The following CAB39L variants were observed in gnomAD, a reference collection of about 807,000 sequenced individuals.
CAB39L encodes the protein calcium binding protein 39 like.
Under a neutral mutation model 39.1 loss-of-function variants are expected in CAB39L, and 23 were observed. That is an observed-to-expected ratio of 0.59 (90% CI 0.42 to 0.83). The LOEUF is 0.83. Ranked by LOEUF, CAB39L falls within the 40% of genes least tolerant of loss-of-function variation. The pLI is 0.00. For synonymous variants in CAB39L, 126 were observed against 137.2 expected, an observed-to-expected ratio of 0.92 and a Z score of 0.57; for missense variants, 366 against 391.9, an observed-to-expected ratio of 0.93 and a Z score of 0.56.
intron 9 of CAB39L, among the ~76,000 whole-genome samples, chr13:49,333,658 A>C (rs1289973412): frequency 7.6e-6 from 1 of 131,452 alleles, no homozygotes. Context: ...TGCAAGCTCC[A>C]CCTCCCAGGT....
At chr13:49,311,038 C>G in intron 10 of CAB39L, 45 bp from the exon 11 acceptor site, 1 of 1,570,156 alleles carries the variant, frequency 6.4e-7, no homozygotes, top group Non-Finnish European at 8.7e-7. Flanking sequence ...AGCCAGGGAC[C>G]TCACCCACGC....
chr13:49,417,581 G>A (rs1163697132), intron 3 of CAB39L, among the ~76,000 whole-genome samples: 2 of 118,264 alleles, frequency 1.7e-5, no homozygotes, highest in Non-Finnish European at 3.7e-5. Flanking sequence ...TTGGACTCAG[G>A]CACCTGGCAG....
At chr13:49,355,675 CAT>C (rs1037411102) in intron 6 of CAB39L, among the ~76,000 whole-genome samples, 7 of 151,878 alleles carry the variant, frequency 4.6e-5, no homozygotes, top group African/African-American at 1.7e-4. Context: ...ATTAAAAAAA[CAT>C]GTGTAGAACT....
chr13:49,402,328 G>A (rs76385598), intron 3 of CAB39L, among the ~76,000 whole-genome samples: 2,089 of 152,258 alleles, frequency 0.014, 52 homozygotes, highest in African/African-American at 0.048. Flanking sequence ...GTAGAAAGCT[G>A]AGTGGGCTCG....
intron 7 of CAB39L, among the ~76,000 whole-genome samples, chr13:49,346,889 T>C (rs2407610): frequency 0.53 from 80,504 of 151,930 alleles, 22,129 homozygotes; most frequent in Middle Eastern, 0.67. Flanking sequence ...TATGGTTGTA[T>C]GGAATCCTTT....
intron 10 of CAB39L, among the ~76,000 whole-genome samples, chr13:49,320,313 A>T (rs1479894907): frequency 6.6e-6 from 1 of 152,188 alleles, no homozygotes; most frequent in African/African-American, 2.4e-5. Flanking sequence ...CAAACAAATG[A>T]AACTACCCAG....
Position 49,339,753 on chromosome 13 carries a change from G to A in CAB39L, c.625-11C>T. On this transcript the variant is annotated splice_polypyrimidine_tract_variant and intron_variant, in intron 8 of 10. Transcript: ENST00000409308. ...ATAGTCTTCAAAAATCTAATGAAAA[G>A]AAAATACACATTAGAGTGTAAAAGC... 6.4e-7 allele frequency: 1 copy of A among 1,567,932 alleles called. No homozygotes were observed. Among genetic ancestry groups the A allele is most frequent in the Admixed American group, 1.9e-5 (1 of 53,312 alleles).
intron 10 of CAB39L, among the ~76,000 whole-genome samples, chr13:49,315,994 A>G (rs1159024041): frequency 6.6e-6 from 1 of 152,096 alleles, no homozygotes; most frequent in Admixed American, 6.5e-5. Flanking sequence ...AAGCAACATA[A>G]GGAAGGAAAG....
intron 5 of CAB39L, among the ~76,000 whole-genome samples, chr13:49,360,041 C>T (rs1955590762): frequency 6.6e-6 from 1 of 152,162 alleles, no homozygotes; most frequent in South Asian, 2.1e-4. Context: ...CTCCTTGCCA[C>T]AGGATGTGTG....
chr13:49,330,662 G>A (rs995359634), intron 10 of CAB39L, among the ~76,000 whole-genome samples: 3 of 149,868 alleles, frequency 2.0e-5, no homozygotes, highest in Non-Finnish European at 3.0e-5. Flanking sequence ...TTTTTATTTA[G>A]AAAAATATTT....
intron 10 of CAB39L, among the ~76,000 whole-genome samples, chr13:49,313,219 T>C (rs187287684): frequency 1.2e-3 from 180 of 152,220 alleles, no homozygotes; most frequent in South Asian, 3.7e-3. Context: ...CGGTGGCTCA[T>C]GCCTGTAATC....
chr13:49,426,932 A>G (rs2138722957), intron 3 of CAB39L, among the ~76,000 whole-genome samples: 1 of 152,304 alleles, frequency 6.6e-6, no homozygotes, highest in African/African-American at 2.4e-5. Context: ...TCTCCCTTTC[A>G]CTTAGAAGAA....
At chr13:49,400,960 G>GT (rs941281902) in intron 3 of CAB39L, among the ~76,000 whole-genome samples, 4 of 151,918 alleles carry the variant, frequency 2.6e-5, no homozygotes, top group Admixed American at 1.3e-4. Context: ...TTGTTTTGTA[G>GT]TTTTTTTAAA....
Position 49,363,814 on chromosome 13 carries a change from C to A in CAB39L, c.277-3982G>T, listed in dbSNP as rs541986690. Among the ~76,000 whole-genome samples, 3 of 148,002 alleles carry A rather than the reference C, an allele frequency of 2.0e-5. No homozygotes were observed. In the East Asian group the frequency reaches 5.9e-4, roughly 29 times the overall value. ...CTCCAGCCTGGATGACAGAGTGAGACCCTGTCTCAAAAAAAAAAAAAAGAA... is the reference window on the plus strand; with the variant it reads ...CTCCAGCCTGGATGACAGAGTGAGAACCTGTCTCAAAAAAAAAAAAAAGAA... On this transcript the variant is annotated intron_variant, in intron 5 of 10. Coordinates refer to ENST00000409308, the MANE Select transcript of CAB39L (RefSeq NM_001079670.3).
At chr13:49,359,437 T>C (rs559763986) in intron 6 of CAB39L, among the ~76,000 whole-genome samples, 58 of 152,184 alleles carry the variant, frequency 3.8e-4, no homozygotes, top group African/African-American at 1.3e-3. Flanking sequence ...TAGGGAAGCA[T>C]AAGCAATACT....
chr13:49,355,573 T>A (rs1471788917), intron 6 of CAB39L, among the ~76,000 whole-genome samples: 2 of 152,056 alleles, frequency 1.3e-5, no homozygotes, highest in Non-Finnish European at 2.9e-5. Flanking sequence ...GTGGCATATC[T>A]CGTTACACCA....
rs1405900205 is a variant in CAB39L, at chr13:49,433,406, A to G, written c.-107-13T>C. On this transcript the variant is annotated splice_polypyrimidine_tract_variant and intron_variant, in intron 2 of 10. Coordinates refer to ENST00000409308, the MANE Select transcript of CAB39L (RefSeq NM_001079670.3). ...ATCACCACAGCTTCTGACAAAAAGA[A>G]AAGCTTTAAAATTAATTTTTAAAGT... 6.7e-6 allele frequency: 3 copies of G among 450,038 alleles called. No individual in the cohort carries two copies. The highest frequency in any genetic ancestry group is 4.8e-5 in the South Asian group (3 of 62,600). 27.9% of individuals were successfully genotyped at this position (450,038 alleles called of 1,614,324 possible). A position where few individuals can be genotyped will look rare whatever the true frequency, so the allele number is the denominator to read the frequency against.
rs182690556 is a variant in CAB39L, at chr13:49,403,074, T to C, written c.-31-20133A>G. ...AACTGGGAGACTGTATATCAATCTA[T>C]AGTGGATTCAAAGGCACAAAGTCAA... is the stretch of plus-strand genomic sequence containing the variant. On this transcript the variant is annotated intron_variant, in intron 3 of 10. Coordinates refer to ENST00000409308, the MANE Select transcript of CAB39L (RefSeq NM_001079670.3). Among the ~76,000 whole-genome samples the C allele has an allele frequency of 3.3e-4, 50 of 152,264 alleles. 1 individual carries two copies. In the East Asian group the frequency reaches 9.4e-3, roughly 29 times the overall value.
intron 5 of CAB39L, among the ~76,000 whole-genome samples, chr13:49,373,934 C>T (rs942237408): frequency 6.6e-6 from 1 of 152,194 alleles, no homozygotes; most frequent in Admixed American, 6.5e-5. Flanking sequence ...TCATCCATGC[C>T]TCCAGTTCAT....
Sources: gnomAD v4.1 joint callset for allele counts (sites outside exome capture counted in the v4.1 genomes callset) on GRCh38, gnomAD v4.1.1 for gene constraint, MANE v1.5 for transcripts, NCBI Gene and HGNC (gene_info 2026-07-23, HGNC 2026-07-21) for gene names.